Variants in STARD6 observed in about 807,000 individuals in gnomAD.
STARD6 encodes stAR-related lipid transfer protein 6.
STARD6 carries 21 observed loss-of-function variants against 22.3 expected under a neutral mutation model. That is an observed-to-expected ratio of 0.94 (90% CI 0.67 to 1.35). The LOEUF is 1.35. Among genes scored for constraint, STARD6 ranks in the 40% most tolerant of loss-of-function variants. The pLI, the probability that STARD6 is intolerant of heterozygous loss-of-function variation, is 0.00. For synonymous variants in STARD6, 80 were observed against 88.1 expected, an observed-to-expected ratio of 0.91 and a Z score of 0.52; for missense variants, 269 against 266.9, an observed-to-expected ratio of 1.01 and a Z score of -0.05.
intron 4 of STARD6, chr18:54,353,853 G>A (rs2089119652): frequency 2.7e-6 from 1 of 364,898 alleles, no homozygotes. Flanking sequence ...TTATCTGATT[G>A]TCATCAGATT....
At chr18:54,334,129 T>A (rs963984668) in intron 5 of STARD6, among the ~76,000 whole-genome samples, 1 of 152,208 alleles carries the variant, frequency 6.6e-6, no homozygotes. Flanking sequence ...TTTAGAAGAC[T>A]TATCTGATTC....
chr18:54,344,992 C>T (rs969182775), intron 4 of STARD6, among the ~76,000 whole-genome samples: 3 of 152,118 alleles, frequency 2.0e-5, no homozygotes, highest in Non-Finnish European at 4.4e-5. Flanking sequence ...AGGAATAAGA[C>T]AAGGATGTCC....
intron 5 of STARD6, among the ~76,000 whole-genome samples, chr18:54,336,377 C>T (rs766570046): frequency 2.6e-5 from 4 of 152,104 alleles, no homozygotes; most frequent in East Asian, 1.9e-4. Flanking sequence ...GGTGGTTTCC[C>T]GCATGCTGTT....
At chr18:54,352,975 CTGTT>C (rs1256714250) in intron 4 of STARD6, among the ~76,000 whole-genome samples, 1 of 152,162 alleles carries the variant, frequency 6.6e-6, no homozygotes, top group Non-Finnish European at 1.5e-5. Flanking sequence ...CCACTCCTCC[CTGTT>C]TATTTTTGAA....
intron 4 of STARD6, among the ~76,000 whole-genome samples, chr18:54,339,924 A>T (rs2088954791): frequency 6.6e-6 from 1 of 152,188 alleles, no homozygotes; most frequent in African/African-American, 2.4e-5. Context: ...AAATGTATAC[A>T]TATAATTGAC....
chr18:54,342,460 TCTCC>T (rs1366478843), intron 4 of STARD6, among the ~76,000 whole-genome samples: 1 of 120,016 alleles, frequency 8.3e-6, no homozygotes, highest in Admixed American at 7.7e-5. Context: ...TCCCTCTCCC[TCTCC>T]CTCCCTCTCC....
chr18:54,346,309 G>A (rs566901049), intron 4 of STARD6, among the ~76,000 whole-genome samples: 1 of 152,074 alleles, frequency 6.6e-6, no homozygotes, highest in Admixed American at 6.5e-5. Flanking sequence ...GTAAGAAGAA[G>A]CTTATGGTCA....
intron 5 of STARD6, among the ~76,000 whole-genome samples, chr18:54,332,282 A>G (rs1278033138): frequency 6.6e-6 from 1 of 152,222 alleles, no homozygotes; most frequent in East Asian, 1.9e-4. Context: ...TTAAAGACCA[A>G]TGTTGTATGC....
intron 5 of STARD6, among the ~76,000 whole-genome samples, chr18:54,334,430 A>G (rs1039581085): frequency 6.6e-6 from 1 of 152,108 alleles, no homozygotes; most frequent in African/African-American, 2.4e-5. Flanking sequence ...CTGAACGTAG[A>G]GCAAAACTTC....
At chr18:54,341,493 C>T (rs2088969082) in intron 4 of STARD6, among the ~76,000 whole-genome samples, 2 of 152,170 alleles carry the variant, frequency 1.3e-5, no homozygotes, top group Admixed American at 6.5e-5. Flanking sequence ...TTCTCAAGTG[C>T]ATCTGGTACA....
chr18:54,335,171 T>G (rs557439836), intron 5 of STARD6, among the ~76,000 whole-genome samples: 3 of 27,540 alleles, frequency 1.1e-4, no homozygotes, highest in Admixed American at 4.0e-4. Context: ...CAGGTGGTTA[T>G]TTATTTATTT....
chr18:54,346,760 A>G (rs1378580801), intron 4 of STARD6, among the ~76,000 whole-genome samples: 1 of 152,182 alleles, frequency 6.6e-6, no homozygotes, highest in Non-Finnish European at 1.5e-5. Flanking sequence ...CAACATGGGT[A>G]AACCTCAAAA....
At chr18:54,335,895 A>G (rs1030961326) in intron 5 of STARD6, among the ~76,000 whole-genome samples, 1 of 152,154 alleles carries the variant, frequency 6.6e-6, no homozygotes, top group African/African-American at 2.4e-5. Flanking sequence ...TGTGAAGCCT[A>G]TAGAACTGTG....
intron 4 of STARD6, among the ~76,000 whole-genome samples, chr18:54,353,565 C>T (rs575221880): frequency 1.1e-4 from 17 of 152,186 alleles, no homozygotes; most frequent in African/African-American, 1.9e-4. Flanking sequence ...GAGGCCGAGG[C>T]GGAAGGACTG....
intron 6 of STARD6, among the ~76,000 whole-genome samples, chr18:54,330,251 T>TTCCATTTTTATGACTTATATCATTA (rs1178169854): frequency 2.6e-5 from 4 of 152,168 alleles, no homozygotes; most frequent in African/African-American, 9.6e-5. Flanking sequence ...TGAATGAATT[T>TTCCATTTTTATGACTTATATCATTA]TCCATTTTTA....
chr18:54,333,183 C>T (rs1186199196), intron 5 of STARD6, among the ~76,000 whole-genome samples: 1 of 152,198 alleles, frequency 6.6e-6, no homozygotes, highest in Non-Finnish European at 1.5e-5. Flanking sequence ...GGTGCGGTGG[C>T]TCACGCCTGT....
chr18:54,349,585 G>T (rs1233656494), intron 4 of STARD6, among the ~76,000 whole-genome samples: 1 of 152,130 alleles, frequency 6.6e-6, no homozygotes, highest in Admixed American at 6.5e-5. Context: ...AATTTCTTGA[G>T]ATTTTGGTGC....
chr18:54,337,370 AAG>A, intron 4 of STARD6, 119 bp from the exon 5 acceptor site: 1 of 856,386 alleles, frequency 1.2e-6, no homozygotes, highest in Non-Finnish European at 1.7e-6. Context: ...AGAAAACTTG[AAG>A]GTACTATCAG....
In STARD6 at chr18:54,348,237, T is replaced by G. The variant is rs149517685; in HGVS notation, c.140+5817A>C. On this transcript the variant is annotated intron_variant, in intron 4 of 7. Transcript: ENST00000307844. Reference sequence around the variant, plus strand: ...ACCTGAATGCTTTAATTTATAAAACTTACAAACTGTCTCACATGTCTGCCT... The same window carrying G: ...ACCTGAATGCTTTAATTTATAAAACGTACAAACTGTCTCACATGTCTGCCT... 2.1e-3 allele frequency among the ~76,000 whole-genome samples: 327 copies of G among 152,242 alleles called. 1 individual carries two copies. Among genetic ancestry groups the G allele is most frequent in the Non-Finnish European group, 3.3e-3 (222 of 67,964 alleles).
Sources: gnomAD v4.1 joint callset for allele counts (sites outside exome capture counted in the v4.1 genomes callset) on GRCh38, gnomAD v4.1.1 for gene constraint, MANE v1.5 for transcripts, NCBI Gene and HGNC (gene_info 2026-07-23, HGNC 2026-07-21) for gene names.